The following HYCC1 variants were observed in gnomAD, a reference collection of about 807,000 sequenced individuals.
HYCC1 encodes the protein hyccin PI4KA lipid kinase complex subunit 1, also known as hyccin.
chr7:23,005,236 A>C, the HYCC1 span, among the ~76,000 whole-genome samples: 3 of 152,104 alleles, frequency 2.0e-5, no homozygotes, highest in Non-Finnish European at 4.4e-5. Flanking sequence ...CTGGAGTCCA[A>C]AAAACCCGGG....
the HYCC1 span, chr7:22,984,137 G>T: frequency 1.3e-6 from 1 of 744,114 alleles, no homozygotes; most frequent in Non-Finnish European, 2.3e-6. Context: ...TTGTTGCCAG[G>T]ACTGCAGATG....
the HYCC1 span, among the ~76,000 whole-genome samples, chr7:22,968,978 T>A: frequency 6.6e-6 from 1 of 151,228 alleles, no homozygotes; most frequent in Non-Finnish European, 1.5e-5. Context: ...AGAGCGAGAC[T>A]CCATCTCAAA....
the HYCC1 span, among the ~76,000 whole-genome samples, chr7:22,953,257 A>C: frequency 6.6e-6 from 1 of 151,942 alleles, no homozygotes; most frequent in Non-Finnish European, 1.5e-5. Flanking sequence ...AGCAACACCT[A>C]TTACAAAACT....
At chr7:22,918,340 TG>T in the HYCC1 span, among the ~76,000 whole-genome samples, 1 of 152,172 alleles carries the variant, frequency 6.6e-6, no homozygotes, top group African/African-American at 2.4e-5. Context: ...AAATGCTATT[TG>T]TAACAACCCC....
the HYCC1 span, among the ~76,000 whole-genome samples, chr7:22,985,169 TCTA>T: frequency 6.6e-6 from 1 of 152,218 alleles, no homozygotes; most frequent in African/African-American, 2.4e-5. Context: ...CCTAACTCAC[TCTA>T]AACATACATT....
chr7:22,942,091 C>T, the HYCC1 span: 1 of 152,072 alleles, frequency 6.6e-6, no homozygotes, highest in Non-Finnish European at 1.5e-5. Context: ...TCTCAGAGTA[C>T]ATCTGTTCTC....
the HYCC1 span, among the ~76,000 whole-genome samples, chr7:22,915,162 C>T: frequency 6.6e-6 from 1 of 152,314 alleles, no homozygotes; most frequent in East Asian, 1.9e-4. Flanking sequence ...ACCCAATCCA[C>T]TCCCAGCATT....
the HYCC1 span, among the ~76,000 whole-genome samples, chr7:22,998,382 A>C: frequency 6.6e-6 from 1 of 152,166 alleles, no homozygotes; most frequent in Non-Finnish European, 1.5e-5. Flanking sequence ...GAGCAGACAG[A>C]ATGGTGAGAT....
the HYCC1 span, among the ~76,000 whole-genome samples, chr7:22,950,912 T>C: frequency 2.0e-5 from 3 of 150,680 alleles, no homozygotes; most frequent in Non-Finnish European, 4.4e-5. Flanking sequence ...AAAAAACAAG[T>C]ACTTGACTTC....
the HYCC1 span, among the ~76,000 whole-genome samples, chr7:22,920,631 G>A: frequency 2.0e-5 from 3 of 152,136 alleles, no homozygotes; most frequent in African/African-American, 7.2e-5. Flanking sequence ...AAGTTCTTCA[G>A]GCTGAAAGCA....
At chr7:23,009,526 T>C in the HYCC1 span, among the ~76,000 whole-genome samples, 1 of 152,164 alleles carries the variant, frequency 6.6e-6, no homozygotes, top group Non-Finnish European at 1.5e-5. Context: ...AAATAATATT[T>C]GGATAAGCTA....
the HYCC1 span, among the ~76,000 whole-genome samples, chr7:22,967,718 G>A: frequency 2.6e-5 from 4 of 152,138 alleles, no homozygotes; most frequent in Non-Finnish European, 5.9e-5. Flanking sequence ...TAGGAGGAAG[G>A]GTAGGTTTGG....
chr7:22,977,620 CAT>C, the HYCC1 span, among the ~76,000 whole-genome samples: 2 of 152,166 alleles, frequency 1.3e-5, no homozygotes, highest in Non-Finnish European at 2.9e-5. Flanking sequence ...ACTTAAAAAA[CAT>C]ATGTAACAAA....
At chr7:23,008,353 A>T in the HYCC1 span, among the ~76,000 whole-genome samples, 5 of 152,016 alleles carry the variant, frequency 3.3e-5, no homozygotes, top group African/African-American at 1.2e-4. Context: ...GGCAGAACCC[A>T]CATGAAGAAA....
the HYCC1 span, chr7:22,978,504 C>G: frequency 1.5e-6 from 2 of 1,371,588 alleles, no homozygotes; most frequent in Non-Finnish European, 2.1e-6. Flanking sequence ...AATGGAACTA[C>G]TATATGAAGT....
chr7:22,934,214 T>TC, the HYCC1 span: 103 of 36,332 alleles, frequency 2.8e-3, no homozygotes, highest in African/African-American at 6.5e-3. Context: ...TTCTTTTTTT[T>TC]TTTTTTTTTT....
chr7:22,978,945 T>A, the HYCC1 span, among the ~76,000 whole-genome samples: 1 of 152,174 alleles, frequency 6.6e-6, no homozygotes, highest in Non-Finnish European at 1.5e-5. Context: ...TAATGGGCTT[T>A]AAAAAATCAG....
chr7:22,906,588 A>C, the HYCC1 span, among the ~76,000 whole-genome samples: 4 of 151,774 alleles, frequency 2.6e-5, no homozygotes. Flanking sequence ...AAAAAAAAAA[A>C]AAGAATGATA....
chr7:22,967,432 T>C, the HYCC1 span, among the ~76,000 whole-genome samples: 5 of 152,182 alleles, frequency 3.3e-5, no homozygotes, highest in Non-Finnish European at 4.4e-5. Context: ...TTTAGCAGGA[T>C]AGAGGGCTAG....
Sources: gnomAD v4.1 joint callset for allele counts (sites outside exome capture counted in the v4.1 genomes callset) on GRCh38, gnomAD v4.1.1 for gene constraint, MANE v1.5 for transcripts, NCBI Gene and HGNC (gene_info 2026-07-23, HGNC 2026-07-21) for gene names.